DIP2C: variants seen among roughly 807,000 people sequenced by gnomAD.
DIP2C encodes DIP2 acetate--CoA ligase C (putative).
In DIP2C, 33 loss-of-function variants were observed where a neutral mutation model predicts 192.4. The ratio of observed to expected loss-of-function variants is 0.17; its 90% confidence interval spans 0.13 to 0.23. The LOEUF (loss-of-function observed/expected upper bound fraction) is 0.23. Among genes scored for constraint, DIP2C ranks in the 10% least tolerant of loss-of-function variants. DIP2C has a pLI of 1.00. For synonymous variants in DIP2C, 979 were observed against 864.1 expected, an observed-to-expected ratio of 1.13 and a Z score of -2.33; for missense variants, 1,537 against 2,110.1, an observed-to-expected ratio of 0.73 and a Z score of 5.32.
At chr10:301,466 T>G (rs1468160631) in intron 32 of DIP2C, among the ~76,000 whole-genome samples, 1 of 152,142 alleles carries the variant, frequency 6.6e-6, no homozygotes, top group Admixed American at 6.5e-5. Flanking sequence ...TGGGAACTGC[T>G]CATTCGCTGC....
chr10:611,047 G>T (rs1288410800), intron 1 of DIP2C, among the ~76,000 whole-genome samples: 2 of 141,556 alleles, frequency 1.4e-5, no homozygotes, highest in African/African-American at 5.3e-5. Flanking sequence ...ACTCACGGGG[G>T]TGCTTTCTAA....
intron 3 of DIP2C, among the ~76,000 whole-genome samples, chr10:467,675 C>A (rs1415832583): frequency 6.6e-6 from 1 of 151,186 alleles, no homozygotes; most frequent in African/African-American, 2.4e-5. Flanking sequence ...AAGCTGGAAG[C>A]CATCATTCTC....
intron 32 of DIP2C, among the ~76,000 whole-genome samples, chr10:292,049 T>G (rs1170147302): frequency 6.6e-6 from 1 of 152,262 alleles, no homozygotes; most frequent in East Asian, 1.9e-4. Flanking sequence ...AGAGCCATTG[T>G]GCCGAGGCTG....
intron 1 of DIP2C, among the ~76,000 whole-genome samples, chr10:525,404 T>C (rs1199074798): frequency 6.6e-6 from 1 of 152,148 alleles, no homozygotes; most frequent in Non-Finnish European, 1.5e-5. Flanking sequence ...AGAATGAAAA[T>C]ACATACATTT....
At chr10:638,796 A>G (rs1174316892) in intron 1 of DIP2C, among the ~76,000 whole-genome samples, 1 of 152,216 alleles carries the variant, frequency 6.6e-6, no homozygotes, top group Non-Finnish European at 1.5e-5. Context: ...CAGGGTGCAC[A>G]TATTTAAAAT....
At chr10:443,412 G>T (rs1207159062) in intron 3 of DIP2C, among the ~76,000 whole-genome samples, 1 of 152,200 alleles carries the variant, frequency 6.6e-6, no homozygotes, top group African/African-American at 2.4e-5. Context: ...ATTGGTTCCA[G>T]ATTTGACACC....
At chr10:449,123 T>G (rs1968617512) in intron 3 of DIP2C, among the ~76,000 whole-genome samples, 1 of 151,464 alleles carries the variant, frequency 6.6e-6, no homozygotes, top group African/African-American at 2.4e-5. Context: ...CTCATCCCTG[T>G]TGATACTCAG....
At chr10:284,225 A>C (rs559266993) in intron 34 of DIP2C, among the ~76,000 whole-genome samples, 1 of 152,362 alleles carries the variant, frequency 6.6e-6, no homozygotes, top group African/African-American at 2.4e-5. Flanking sequence ...CCAGGAAGTC[A>C]GAAACTGGTT....
intron 1 of DIP2C, among the ~76,000 whole-genome samples, chr10:609,824 G>A (rs993554902): frequency 6.6e-6 from 1 of 152,154 alleles, no homozygotes; most frequent in Non-Finnish European, 1.5e-5. Context: ...CAGGGTCACT[G>A]GGACCCCTGC....
intron 1 of DIP2C, among the ~76,000 whole-genome samples, chr10:520,779 T>C (rs1846653596): frequency 6.6e-6 from 1 of 152,248 alleles, no homozygotes; most frequent in African/African-American, 2.4e-5. Context: ...CTTGGGCTTT[T>C]TAACAATTTG....
chr10:290,091 G>A (rs993794351), intron 32 of DIP2C, among the ~76,000 whole-genome samples: 1 of 152,234 alleles, frequency 6.6e-6, no homozygotes, highest in African/African-American at 2.4e-5. Flanking sequence ...GAACAGAGAG[G>A]AGACGCTGGG....
rs1319506096 is a variant in DIP2C, at chr10:429,230, C to A, written c.395-6197G>T. ...CTCCCCCCGGACCCTGGCTGCCTCC[C>A]CCCCGGACCCTGGCTGCCTCCCCCC... On this transcript the variant is annotated intron_variant, in intron 4 of 36. Transcript: ENST00000280886. Among the ~76,000 whole-genome samples the A allele has an allele frequency of 4.5e-4, 38 of 83,692 alleles. No individual in the cohort carries two copies. The East Asian group carries it at 8.7e-3, about 19-fold the overall frequency. 54.9% of individuals were successfully genotyped at this position (83,692 alleles called of 152,430 possible).
At chr10:684,185 C>T (rs1316839592) in intron 1 of DIP2C, among the ~76,000 whole-genome samples, 1 of 152,264 alleles carries the variant, frequency 6.6e-6, no homozygotes, top group Non-Finnish European at 1.5e-5. Context: ...CCAGTCCACA[C>T]GTTCAAAAGC....
At chr10:556,374 C>T (rs1420880926) in intron 1 of DIP2C, among the ~76,000 whole-genome samples, 1 of 81,032 alleles carries the variant, frequency 1.2e-5, no homozygotes, top group Non-Finnish European at 2.4e-5. Flanking sequence ...GGATCCCAGG[C>T]TTGTCCTGGG....
chr10:390,439 C>CCT lies in DIP2C; in HGVS notation c.1385-67_1385-66insAG, dbSNP rs1204125437. 11 of 1,460,102 alleles carry CCT rather than the reference C, an allele frequency of 7.5e-6. No individual in the cohort carries two copies. In the East Asian group the frequency reaches 1.6e-4, roughly 21 times the overall value. 90.4% of individuals were successfully genotyped at this position (1,460,102 alleles called of 1,614,324 possible). Reference sequence around the variant, plus strand: ...AAAGTCGGTCTGTAGAATTTCTCCCCATTTATGTGGTACCCTTTCAAACAC... The same window carrying CCT: ...AAAGTCGGTCTGTAGAATTTCTCCCCCTATTTATGTGGTACCCTTTCAAACAC... On this transcript the variant is annotated intron_variant, in intron 11 of 36. Transcript: ENST00000280886.
At chr10:519,322 A>T (rs534519527) in intron 1 of DIP2C, among the ~76,000 whole-genome samples, 1 of 152,238 alleles carries the variant, frequency 6.6e-6, no homozygotes, top group Non-Finnish European at 1.5e-5. Context: ...ATGCCATGGA[A>T]GGAAATTCAG....
intron 1 of DIP2C, among the ~76,000 whole-genome samples, chr10:568,325 C>G (rs369678286): frequency 1.3e-5 from 2 of 152,160 alleles, no homozygotes; most frequent in Admixed American, 6.5e-5. Context: ...CCGACTCATG[C>G]GTGAAATCAG....
chr10:435,215 G>C (rs576982027), intron 4 of DIP2C, among the ~76,000 whole-genome samples: 14 of 152,218 alleles, frequency 9.2e-5, no homozygotes, highest in African/African-American at 3.1e-4. Context: ...GGTTGGAGTT[G>C]GATATTTCCT....
chr10:602,747 C>T (rs577107516), intron 1 of DIP2C, among the ~76,000 whole-genome samples: 11 of 152,236 alleles, frequency 7.2e-5, no homozygotes, highest in Non-Finnish European at 1.6e-4. Context: ...CACCATAAAG[C>T]AAGAACTCCC....
Sources: gnomAD v4.1 joint callset for allele counts (sites outside exome capture counted in the v4.1 genomes callset) on GRCh38, gnomAD v4.1.1 for gene constraint, MANE v1.5 for transcripts, NCBI Gene and HGNC (gene_info 2026-07-23, HGNC 2026-07-21) for gene names.